MECOM: variants seen among roughly 807,000 people sequenced by gnomAD.
MECOM encodes histone-lysine N-methyltransferase MECOM.
A neutral mutation model predicts 116.3 loss-of-function variants in MECOM; 13 were observed. The ratio of observed to expected loss-of-function variants is 0.11; its 90% CI spans 0.07 to 0.18. MECOM has a LOEUF of 0.18. MECOM is among the 10% of genes least tolerant of loss of function. The pLI is 1.00. For synonymous variants in MECOM, 528 were observed against 535.2 expected (o/e 0.99, Z 0.19); for missense variants, 1,299 against 1,509.0 (o/e 0.86, Z 2.31).
intron 1 of MECOM, among the ~76,000 whole-genome samples, chr3:169,419,949 G>A (rs1290580632): frequency 6.6e-6 from 1 of 152,082 alleles, no homozygotes; most frequent in Admixed American, 6.5e-5. Context: ...GTGGGCAAAG[G>A]ATATGAACAG....
At chr3:169,269,047 C>A (rs1381436695) in intron 2 of MECOM, 2 of 151,532 alleles carry the variant, frequency 1.3e-5, no homozygotes, top group Non-Finnish European at 2.9e-5. Context: ...AGAATAAGCA[C>A]CTTATGAGAA....
intron 1 of MECOM, among the ~76,000 whole-genome samples, chr3:169,575,411 C>A (rs1576953194): frequency 1.3e-5 from 2 of 152,292 alleles, no homozygotes; most frequent in East Asian, 3.9e-4. Context: ...AGACCAGGCA[C>A]TCCGAAGACT....
intron 1 of MECOM, among the ~76,000 whole-genome samples, chr3:169,661,369 C>T: frequency 6.6e-6 from 1 of 151,424 alleles, no homozygotes; most frequent in South Asian, 2.1e-4. Flanking sequence ...GCCCGCAAAC[C>T]TCAAGTATAT....
intron 1 of MECOM, among the ~76,000 whole-genome samples, chr3:169,523,826 T>C (rs182829100): frequency 1.7e-4 from 26 of 151,398 alleles, no homozygotes; most frequent in Middle Eastern, 3.4e-3. Flanking sequence ...TATACACACA[T>C]ATATATATGC....
At chr3:169,327,502 G>T (rs553462341) in intron 2 of MECOM, among the ~76,000 whole-genome samples, 1 of 152,046 alleles carries the variant, frequency 6.6e-6, no homozygotes, top group South Asian at 2.1e-4. Context: ...GCCGGGTATG[G>T]TGGCACATGC....
intron 1 of MECOM, among the ~76,000 whole-genome samples, chr3:169,431,067 CAT>C (rs1431812759): frequency 1.3e-5 from 2 of 152,152 alleles, no homozygotes; most frequent in Non-Finnish European, 2.9e-5. Flanking sequence ...GGAAATGAGT[CAT>C]ATTAAATTAT....
At chr3:169,517,385 A>G (rs534707075) in intron 1 of MECOM, among the ~76,000 whole-genome samples, 1 of 152,198 alleles carries the variant, frequency 6.6e-6, no homozygotes, top group Non-Finnish European at 1.5e-5. Flanking sequence ...TTTTCTTACT[A>G]CTTTTAAGCA....
At chr3:169,377,492 C>T (rs981924341) in intron 2 of MECOM, among the ~76,000 whole-genome samples, 7 of 152,044 alleles carry the variant, frequency 4.6e-5, no homozygotes, top group African/African-American at 1.7e-4. Flanking sequence ...ACAAACAACC[C>T]CATCAAAAAG....
intron 2 of MECOM, among the ~76,000 whole-genome samples, chr3:169,281,921 G>A (rs1712132841): frequency 6.6e-6 from 1 of 152,070 alleles, no homozygotes; most frequent in African/African-American, 2.4e-5. Context: ...GGTTTTTGTT[G>A]TTGTTTTGCA....
chr3:169,350,183 C>T (rs1027444309), intron 2 of MECOM, among the ~76,000 whole-genome samples: 1 of 151,942 alleles, frequency 6.6e-6, no homozygotes, highest in African/African-American at 2.4e-5. Context: ...TTACACTTCA[C>T]ATGTCAACAC....
At chr3:169,098,420 T>C (rs138642999) in intron 12 of MECOM, among the ~76,000 whole-genome samples, 1 of 152,304 alleles carries the variant, frequency 6.6e-6, no homozygotes, top group African/African-American at 2.4e-5. Flanking sequence ...TGATATTTTC[T>C]CATTATTAGA....
At position 169,294,616 on chromosome 3, in the gene MECOM, A is replaced by T. The variant is rs367671478; in HGVS notation, c.375+86571T>A. 7.2e-5 allele frequency among the ~76,000 whole-genome samples: 11 copies of T among 152,272 alleles called. No homozygotes were observed. The East Asian group carries it at 1.4e-3, about 19-fold the overall frequency. On this transcript the variant is annotated intron_variant, in intron 2 of 16. Transcript: ENST00000651503. The stretch of plus-strand genomic sequence containing the variant: ...GAAGCCACTAGAAAAACAAACAAAC[A>T]ACCAAATACAGCTCAAGGCTTATCA...
At chr3:169,324,598 A>G (rs960891291) in intron 2 of MECOM, among the ~76,000 whole-genome samples, 3 of 152,252 alleles carry the variant, frequency 2.0e-5, no homozygotes, top group African/African-American at 7.2e-5. Context: ...GCAACGTGCC[A>G]AAGTCCCAGC....
intron 2 of MECOM, among the ~76,000 whole-genome samples, chr3:169,353,948 T>A (rs1230132838): frequency 6.6e-6 from 1 of 151,884 alleles, no homozygotes; most frequent in East Asian, 1.9e-4. Flanking sequence ...AAGTCTCAAG[T>A]TTCTTAAGTA....
intron 2 of MECOM, chr3:169,145,160 A>C (rs886820405): frequency 2.1e-6 from 1 of 476,296 alleles, no homozygotes; most frequent in African/African-American, 4.2e-5. Context: ...ACACACACAC[A>C]CACACACACA....
intron 6 of MECOM, among the ~76,000 whole-genome samples, chr3:169,121,499 G>A (rs1484700520): frequency 6.6e-6 from 1 of 152,124 alleles, no homozygotes; most frequent in Non-Finnish European, 1.5e-5. Flanking sequence ...CATTTAGAGT[G>A]ACTTGAGTTG....
At chr3:169,253,936 A>C (rs910390891) in intron 2 of MECOM, among the ~76,000 whole-genome samples, 16 of 152,106 alleles carry the variant, frequency 1.1e-4, no homozygotes, top group African/African-American at 2.4e-5. Context: ...ATAATTGATG[A>C]CTCATATCAT....
intron 1 of MECOM, among the ~76,000 whole-genome samples, chr3:169,624,547 A>C (rs1175771834): frequency 6.6e-6 from 1 of 152,204 alleles, no homozygotes; most frequent in African/African-American, 2.4e-5. Context: ...AGTCCACGGA[A>C]GCATTCTGGG....
chr3:169,133,911 C>A (rs1735534500), intron 3 of MECOM: 1 of 1,288,692 alleles, frequency 7.8e-7, no homozygotes, highest in Non-Finnish European at 1.0e-6. Flanking sequence ...GTTTGAATCA[C>A]CTCTTTTTTT....
Sources: gnomAD v4.1 joint callset for allele counts (sites outside exome capture counted in the v4.1 genomes callset) on GRCh38, gnomAD v4.1.1 for gene constraint, MANE v1.5 for transcripts, NCBI Gene and HGNC (gene_info 2026-07-23, HGNC 2026-07-21) for gene names.